The following SIX3 variants were observed in gnomAD, a reference collection of about 807,000 sequenced individuals.
The protein encoded by SIX3 is homeobox protein SIX3.
A neutral mutation model predicts 21.7 loss-of-function variants in SIX3; 2 were observed. The observed-to-expected ratio is 0.09, with a 90% CI of 0.04 to 0.29. The LOEUF is 0.29. Among genes scored for constraint, SIX3 ranks in the 10% least tolerant of loss-of-function variants. The pLI is 1.00. For synonymous variants in SIX3, 243 were observed against 220.6 expected, an observed-to-expected ratio of 1.10 and a Z score of -0.90; for missense variants, 347 against 480.7, an observed-to-expected ratio of 0.72 and a Z score of 2.60.
chr2:44,941,945 C>A lies in SIX3; in HGVS notation c.-160C>A, dbSNP rs1407554423. 2 of 635,044 alleles carry A rather than the reference C, an allele frequency of 3.1e-6. No homozygotes were observed. The highest frequency in any genetic ancestry group is 3.3e-5 in the South Asian group (2 of 61,516). The allele number at this position is 635,044 out of a possible 1,614,324, so 39.3% of individuals were successfully genotyped here. A position where few individuals can be genotyped will look rare whatever the true frequency, so the allele number is the denominator to read the frequency against. On this transcript the variant is annotated 5_prime_UTR_variant, in exon 1 of 2. Coordinates refer to ENST00000260653, the MANE Select transcript of SIX3 (RefSeq NM_005413.4). ...GTGTGTGGGGTGTGGGTGTCCCTTA[C>A]GCCCTTCCTCCTCTCCCTCCTCCTC...
Position 44,942,326 on chromosome 2 carries a change from G to T in SIX3, c.222G>T (p.Pro74=). 6.3e-7 allele frequency: 1 copy of T among 1,593,738 alleles called. No individual in the cohort carries two copies. Among genetic ancestry groups the T allele is most frequent in the South Asian group, 1.1e-5 (1 of 90,800 alleles). ...GCGGCGGCGGCTCCAGGGCCCCCCC[G>T]GAAGAGTTGTCCATGTTCCAGCTGC... ...GGGGGGSRAP[P]EELSMFQLPT... Residue 74 remains proline, a synonymous_variant, in exon 1 of 2, where the codon CCG becomes CCT. Transcript: ENST00000260653. The surrounding 1 kb of genome is among the most constrained non-coding windows in gnomAD (Gnocchi z 8.4).
chr2:44,942,278 T>C lies in SIX3; in HGVS notation c.174T>C (p.Gly58=). ...GCGGGAACGGTGCGGGAGGCGGCGGTGCTGGCGGAGCAGGCGGCGGCGGCG... is the reference window on the plus strand; with the variant it reads ...GCGGGAACGGTGCGGGAGGCGGCGGCGCTGGCGGAGCAGGCGGCGGCGGCG... ...SGGGNGAGGG[G]AGGAGGGGGG... The change falls in exon 1 of 2, where the codon GGT becomes GGC. Residue 58 remains glycine (G), a synonymous_variant. Transcript: ENST00000260653. The surrounding 1 kb of genome is among the most constrained non-coding windows in gnomAD (Gnocchi z 8.4). The C allele has an allele frequency of 6.5e-7, 1 of 1,540,416 alleles. No individual in the cohort carries two copies. Among genetic ancestry groups the C allele is most frequent in the Non-Finnish European group, 8.7e-7 (1 of 1,150,264 alleles).
rs979607187 is a variant in SIX3, at chr2:44,943,043, C to T, written c.806+133C>T. On this transcript the variant is annotated intron_variant, in intron 1 of 1. Transcript: ENST00000260653. ...CTCCTGGCCAGTCGGAGAAAGTTTC[C>T]GCTTGTCCGGGACGCGCGGAAGAGG... is the stretch of plus-strand genomic sequence containing the variant. 2.1e-6 allele frequency: 3 copies of T among 1,412,308 alleles called. No individual in the cohort carries two copies. In the African/African-American group the frequency reaches 4.3e-5, roughly 20 times the overall value. 87.5% of individuals were successfully genotyped at this position (1,412,308 alleles called of 1,614,324 possible).
intron 1 of SIX3, among the ~76,000 whole-genome samples, chr2:44,944,234 T>C (rs1666643842): frequency 6.6e-6 from 1 of 152,170 alleles, no homozygotes; most frequent in South Asian, 2.1e-4. Context: ...AACCCGCAGC[T>C]CCCGGTGTGT....
At position 44,944,968 on chromosome 2, in the gene SIX3, T is replaced by A; in HGVS notation, c.*208T>A. The A allele has an allele frequency of 1.7e-6, 1 of 602,932 alleles. No individual in the cohort carries two copies. Among genetic ancestry groups the A allele is most frequent in the Non-Finnish European group, 3.0e-6 (1 of 338,930 alleles). The allele number at this position is 602,932 out of a possible 1,614,324, so 37.3% of individuals were successfully genotyped here. A position where few individuals can be genotyped will look rare whatever the true frequency, so the allele number is the denominator to read the frequency against. On this transcript the variant is annotated 3_prime_UTR_variant, in exon 2 of 2. Coordinates refer to ENST00000260653, the MANE Select transcript of SIX3 (RefSeq NM_005413.4). The stretch of plus-strand genomic sequence containing the variant: ...TATAAAAAACAAGAAAATAACAAAT[T>A]AACCGCAAACTATCAACAACCCCCA...
chr2:44,942,567 C>G lies in SIX3; in HGVS notation c.463C>G (p.His155Asp). The G allele has an allele frequency of 6.3e-7, 1 of 1,598,574 alleles. No individual in the cohort carries two copies. Among genetic ancestry groups the G allele is most frequent in the Non-Finnish European group, 8.5e-7 (1 of 1,179,734 alleles). The change falls in exon 1 of 2, where the codon CAC becomes GAC. Residue 155 changes from histidine to aspartate, a missense_variant. Physicochemically the swap from His to Asp is moderately conservative, Grantham distance 81. This residue lies in a region of SIX3 where 117 missense variants were observed against 205.9 expected (regional missense o/e 0.57). Coordinates refer to ENST00000260653, the MANE Select transcript of SIX3 (RefSeq NM_005413.4). This position sits in a 1 kb window ranked among gnomAD's most constrained non-coding sequence, Gnocchi z 8.4. ...FRDLYHILEN[H>D]KFTKESHGKL... ...CGACCTCTACCACATCCTTGAGAAC[C>G]ACAAGTTCACCAAGGAGTCTCACGG... is the stretch of plus-strand genomic sequence containing the variant.
chr2:44,943,008 G>GA lies in SIX3; in HGVS notation c.806+100dup, dbSNP rs1389275494. ...AGCGGAGCGGCCGCTGAGAGCCAGG[G>GA]AAGCCGTGACTCCTGGCCAGTCGGA... is the stretch of plus-strand genomic sequence containing the variant. On this transcript the variant is annotated intron_variant, in intron 1 of 1. Transcript: ENST00000260653. 10 of 1,472,496 alleles carry GA rather than the reference G, an allele frequency of 6.8e-6. No homozygotes were observed. The East Asian group carries it at 2.5e-4, about 36-fold the overall frequency. The allele number at this position is 1,472,496 out of a possible 1,614,324, so 91.2% of individuals were successfully genotyped here.
chr2:44,944,734 T>C lies in SIX3; in HGVS notation c.973T>C (p.Ser325Pro). The C allele has an allele frequency of 6.3e-7, 1 of 1,587,334 alleles. No homozygotes were observed. The highest frequency in any genetic ancestry group is 8.5e-7 in the Non-Finnish European group (1 of 1,174,266). The change falls in exon 2 of 2, where the codon TCC becomes CCC. Residue 325 changes from serine to proline, a missense_variant. Around this residue, in one of 4 missense-constraint regions of SIX3, gnomAD observed 110 missense variants for 93.3 expected, o/e 1.18. Transcript: ENST00000260653. Reference protein sequence around the residue: ...DTGTSILSVTSSDSECDV With the variant: ...DTGTSILSVTPSDSECDV ...CGGCACCTCCATCCTCTCGGTAACC[T>C]CCAGCGACTCGGAATGTGATGTATG...
At position 44,944,560 on chromosome 2, in the gene SIX3, TC is replaced by T. The variant is rs750986689; in HGVS notation, c.807-5del. On this transcript the variant is annotated splice_region_variant and splice_polypyrimidine_tract_variant and intron_variant, in intron 1 of 1. Transcript: ENST00000260653. ...GTCAGGGCGGGCGCGGATCTCTTTC[TC>T]CCGCAGGCTCCAGCACCAGGCCATT... 7 of 1,566,896 alleles carry T rather than the reference TC, an allele frequency of 4.5e-6. No homozygotes were observed. Among genetic ancestry groups the T allele is most frequent in the Non-Finnish European group, 6.0e-6 (7 of 1,163,574 alleles).
chr2:44,942,969 G>T lies in SIX3; in HGVS notation c.806+59G>T. 3 of 1,554,420 alleles carry T rather than the reference G, an allele frequency of 1.9e-6. No individual in the cohort carries two copies. The Admixed American group carries it at 5.7e-5, about 30-fold the overall frequency. ...TCAGAGGCCTGGGAAGGGGAGAGGG[G>T]TTGAGATGGGGCTAGCGGAGCGGCC... On this transcript the variant is annotated intron_variant, in intron 1 of 1. Transcript: ENST00000260653. The surrounding 1 kb of genome is among the most constrained non-coding windows in gnomAD (Gnocchi z 8.4).
In SIX3 at chr2:44,944,846, T is replaced by G. The variant is rs1160054504; in HGVS notation, c.*86T>G. On this transcript the variant is annotated 3_prime_UTR_variant, in exon 2 of 2. Coordinates refer to ENST00000260653, the MANE Select transcript of SIX3 (RefSeq NM_005413.4). ...CCTAGCCCTCCTCCTCTTCCTCCTC[T>G]TCCTTCTCCTCCTCCATCCCCAGAA... 6.6e-6 allele frequency: 8 copies of G among 1,216,054 alleles called. No individual in the cohort carries two copies. Among genetic ancestry groups the G allele is most frequent in the Non-Finnish European group, 9.3e-6 (8 of 856,886 alleles). 75.3% of individuals were successfully genotyped at this position (1,216,054 alleles called of 1,614,324 possible). A position where few individuals can be genotyped will look rare whatever the true frequency, so the allele number is the denominator to read the frequency against.
At chr2:44,943,774 C>T (rs2103644211) in intron 1 of SIX3, among the ~76,000 whole-genome samples, 1 of 152,302 alleles carries the variant, frequency 6.6e-6, no homozygotes, top group Non-Finnish European at 1.5e-5. Flanking sequence ...CTTTCTCTAT[C>T]CAGCCAGGAA....
intron 1 of SIX3, among the ~76,000 whole-genome samples, chr2:44,943,629 C>G (rs1468314606): frequency 2.6e-5 from 4 of 152,332 alleles, no homozygotes; most frequent in Non-Finnish European, 5.9e-5. Flanking sequence ...AGGGCTTGAC[C>G]AACATCACAG....
rs1421222935 is a variant in SIX3 at position 44,945,856 on chromosome 2, A to C, written c.*1096A>C. The C allele has an allele frequency of 6.6e-6, 1 of 152,194 alleles. No homozygotes were observed. Among genetic ancestry groups the C allele is most frequent in the African/African-American group, 2.4e-5 (1 of 41,446 alleles). The allele number at this position is 152,194 out of a possible 1,614,324, so 9.4% of individuals were successfully genotyped here. A position where few individuals can be genotyped will look rare whatever the true frequency, so the allele number is the denominator to read the frequency against. Reference sequence around the variant, plus strand: ...GTCGACTTGGCAGTCAAGGAGAGGCATGGTGGCCTGGGTTAGGAAGAGGGA... The same window carrying C: ...GTCGACTTGGCAGTCAAGGAGAGGCCTGGTGGCCTGGGTTAGGAAGAGGGA... On this transcript the variant is annotated 3_prime_UTR_variant, in exon 2 of 2. Transcript: ENST00000260653.
chr2:44,944,527 G>C (rs2103645242), intron 1 of SIX3, 41 bp from the exon 2 acceptor site: 1 of 1,538,420 alleles, frequency 6.5e-7, no homozygotes, highest in Middle Eastern at 2.3e-4. Flanking sequence ...CGGGTGGCGG[G>C]CCTCTGTGTC....
chr2:44,943,402 T>G (rs1666620479), intron 1 of SIX3, among the ~76,000 whole-genome samples: 1 of 152,100 alleles, frequency 6.6e-6, no homozygotes, highest in Admixed American at 6.5e-5. Flanking sequence ...CGGGCCTGTT[T>G]CCCCGCAACG....
chr2:44,944,378 T>C lies in SIX3; in HGVS notation c.807-190T>C, dbSNP rs116601475. On this transcript the variant is annotated intron_variant, in intron 1 of 1. Transcript: ENST00000260653. ...TCTCCGACTTCTGCTTCTCCAGGGC[T>C]TGGCGTACTTTGTCGCTTGCACCCA... Among the ~76,000 whole-genome samples, 309 of 152,344 alleles carry C rather than the reference T, an allele frequency of 2.0e-3. 3 individuals are homozygous for C. Among genetic ancestry groups the C allele is most frequent in the African/African-American group, 7.0e-3 (290 of 41,602 alleles).
In SIX3 at chr2:44,942,918, G is replaced by T; in HGVS notation, c.806+8G>T. ...CGCGGCGGCCAAGAACAGGTTAGTG[G>T]CGGGGCCCGCGGCCTGGCTACAGCC... On this transcript the variant is annotated splice_region_variant and intron_variant, in intron 1 of 1. Coordinates refer to ENST00000260653, the MANE Select transcript of SIX3 (RefSeq NM_005413.4). The surrounding 1 kb of genome is among the most constrained non-coding windows in gnomAD (Gnocchi z 8.4). The T allele has an allele frequency of 6.3e-7, 1 of 1,595,130 alleles. No individual in the cohort carries two copies. The highest frequency in any genetic ancestry group is 8.5e-7 in the Non-Finnish European group (1 of 1,178,262).
intron 1 of SIX3, among the ~76,000 whole-genome samples, chr2:44,943,865 T>C (rs1666635280): frequency 6.6e-6 from 1 of 152,198 alleles, no homozygotes; most frequent in Non-Finnish European, 1.5e-5. Flanking sequence ...GGTGTGAGTT[T>C]CTGGAGGTGT....
Sources: allele counts gnomAD v4.1 joint callset (sites outside exome capture counted in the v4.1 genomes callset), GRCh38; gene constraint gnomAD v4.1.1; regional missense constraint gnomAD v4.1.1; non-coding constraint Gnocchi (gnomAD v3.1); transcripts MANE v1.5; gene names NCBI Gene and HGNC (gene_info 2026-07-23, HGNC 2026-07-21).